The following PTPRQ variants were observed in gnomAD, a reference collection of about 807,000 sequenced individuals.
The protein encoded by PTPRQ is protein tyrosine phosphatase receptor type Q, also known as phosphatidylinositol phosphatase PTPRQ.
PTPRQ carries 199 observed loss-of-function variants against 246.0 expected under a neutral mutation model. The observed-to-expected ratio is 0.81, with a 90% CI of 0.72 to 0.91. The LOEUF is 0.91. Ranked by LOEUF, PTPRQ falls within the 40% of genes least tolerant of loss-of-function variation. PTPRQ has a pLI of 0.00. For missense variants in PTPRQ, 2,624 were observed against 2,528.4 expected, an observed-to-expected ratio of 1.04 and a Z score of -0.81; for synonymous variants, 869 against 853.2, an observed-to-expected ratio of 1.02 and a Z score of -0.32.
intron 14 of PTPRQ, among the ~76,000 whole-genome samples, chr12:80,500,012 A>G (rs1894748591): frequency 6.6e-6 from 1 of 152,050 alleles, no homozygotes; most frequent in Non-Finnish European, 1.5e-5. Flanking sequence ...GATTTGGGGC[A>G]ACAACCATGA....
intron 26 of PTPRQ, among the ~76,000 whole-genome samples, chr12:80,594,229 A>C (rs941298555): frequency 2.6e-5 from 4 of 152,210 alleles, no homozygotes; most frequent in Non-Finnish European, 1.5e-5. Flanking sequence ...TAAGTGTTAT[A>C]GTAACAGAGG....
intron 27 of PTPRQ, among the ~76,000 whole-genome samples, chr12:80,607,367 A>G (rs1898362349): frequency 6.6e-6 from 1 of 150,934 alleles, no homozygotes; most frequent in Admixed American, 6.6e-5. Context: ...AATAGCAAGA[A>G]CAGATTCAGA....
Position 80,620,333 on chromosome 12 carries a change from G to A in PTPRQ, c.5569G>A (p.Asp1857Asn). ...DNACMIPGNE[D>N]KICNGPLKPK... ...TGCATGCATGATTCCTGGCAATGAA[G>A]ACAAAATTTGCAATGGACCACTGAA... The change falls in exon 32 of 45, where the codon GAC (aspartate) becomes AAC (asparagine). Residue 1857 changes from aspartate to asparagine, a missense_variant. Physicochemically the swap from Asp to Asn is conservative, Grantham distance 23 (BLOSUM62 1). Transcript: ENST00000644991. 6.5e-7 allele frequency: 1 copy of A among 1,549,218 alleles called. No homozygotes were observed. The highest frequency in any genetic ancestry group is 1.2e-5 in the South Asian group (1 of 83,970).
chr12:80,493,894 A>G (rs1416086783), intron 10 of PTPRQ, among the ~76,000 whole-genome samples: 3 of 151,966 alleles, frequency 2.0e-5, no homozygotes, highest in Non-Finnish European at 4.4e-5. Flanking sequence ...GGTGACCCCA[A>G]CGATGTGGTG....
At chr12:80,653,913 T>A (rs757104111) in intron 38 of PTPRQ, among the ~76,000 whole-genome samples, 1 of 152,126 alleles carries the variant, frequency 6.6e-6, no homozygotes, top group Non-Finnish European at 1.5e-5. Flanking sequence ...ACCACCTAAA[T>A]CCTTTCTGCA....
chr12:80,636,151 T>C (rs1377990552), intron 35 of PTPRQ, among the ~76,000 whole-genome samples: 1 of 152,224 alleles, frequency 6.6e-6, no homozygotes, highest in Non-Finnish European at 1.5e-5. Flanking sequence ...TTTTCTTGGA[T>C]ATGACAGCTG....
In PTPRQ at chr12:80,466,461, C is replaced by T. The variant is rs1016109194; in HGVS notation, c.911-2249C>T. Among the ~76,000 whole-genome samples the T allele has an allele frequency of 2.2e-4, 33 of 152,318 alleles. 2 individuals are homozygous for T. The highest frequency in any genetic ancestry group is 1.3e-4 in the Non-Finnish European group (9 of 68,030). ...GTAATTTATAGATTCTATGCCATCC[C>T]CATCAAGCTACCAATGACTTTCTTC... On this transcript the variant is annotated intron_variant, in intron 6 of 44. Transcript: ENST00000644991.
chr12:80,445,574 A>G lies in PTPRQ; in HGVS notation c.247A>G (p.Asn83Asp), dbSNP rs1892527772. Residue 83 changes from asparagine (N) to aspartate (D), a missense_variant, in exon 3 of 45, where the codon AAT becomes GAT. Transcript: ENST00000644991. ...GTCTTGGAATACACCACCTAATCCAAATGGAAGGATTATATCTTACATTGT... is the reference window on the plus strand; with the variant it reads ...GTCTTGGAATACACCACCTAATCCAGATGGAAGGATTATATCTTACATTGT... ...LLSWNTPPNP[N>D]GRIISYIVKY... The G allele has an allele frequency of 1.9e-6, 3 of 1,549,384 alleles. No homozygotes were observed. Among genetic ancestry groups the G allele is most frequent in the Non-Finnish European group, 2.6e-6 (3 of 1,145,464 alleles).
At chr12:80,496,836 T>A (rs1313660763) in intron 14 of PTPRQ, among the ~76,000 whole-genome samples, 1 of 152,072 alleles carries the variant, frequency 6.6e-6, no homozygotes, top group Non-Finnish European at 1.5e-5. Context: ...GGCTACTTGC[T>A]TTCGAGTTAG....
Position 80,673,197 on chromosome 12 carries a change from A to G in PTPRQ, c.6631A>G (p.Ile2211Val), listed in dbSNP as rs74971960. 2,201 of 1,550,918 alleles carry G rather than the reference A, an allele frequency of 1.4e-3. 39 individuals carry two copies. In the East Asian group the frequency reaches 0.044, roughly 31 times the overall value. ...TGGAGTTGGAAGAACTGGAGTTTTT[A>G]TTGCTCTGGACCATTTAACACAACA... ...SAGVGRTGVF[I>V]ALDHLTQHIN... Residue 2211 changes from isoleucine to valine, a missense_variant, in exon 43 of 45, where the codon ATT (isoleucine) becomes GTT (valine). Coordinates refer to ENST00000644991, the MANE Select transcript of PTPRQ (RefSeq NM_001145026.2).
At position 80,493,360 on chromosome 12, in the gene PTPRQ, C is replaced by T. The variant is rs1237310853; in HGVS notation, c.1445C>T (p.Ser482Phe). The change falls in exon 10 of 45, where the codon TCT (serine) becomes TTT (phenylalanine). Residue 482 changes from serine (S) to phenylalanine (F), a missense_variant. Coordinates refer to ENST00000644991, the MANE Select transcript of PTPRQ (RefSeq NM_001145026.2). ...TATGAGGGTTCAGCAGAGATGTCGT[C>T]TGACCTTCACTCACTTGCTACATTT... ...GLYEGSAEMS[S>F]DLHSLATFIY... 3.2e-6 allele frequency: 5 copies of T among 1,550,154 alleles called. No homozygotes were observed. Among genetic ancestry groups the T allele is most frequent in the Middle Eastern group, 1.7e-4 (1 of 5,976 alleles).
chr12:80,640,631 T>C (rs1396195719), intron 35 of PTPRQ, among the ~76,000 whole-genome samples: 1 of 152,182 alleles, frequency 6.6e-6, no homozygotes, highest in African/African-American at 2.4e-5. Flanking sequence ...TAAGTTACTG[T>C]GGTAATGCAG....
rs558168140 is a variant in PTPRQ, at chr12:80,654,627, C to G, written c.6115+1793C>G. 4.7e-4 allele frequency among the ~76,000 whole-genome samples: 70 copies of G among 150,238 alleles called. 1 individual carries two copies. The South Asian group carries it at 0.01, about 22-fold the overall frequency. On this transcript the variant is annotated intron_variant, in intron 38 of 44. Coordinates refer to ENST00000644991, the MANE Select transcript of PTPRQ (RefSeq NM_001145026.2). ...CGTTGGGAGGCTGAGGCGGGCAGATCACTTGAGGTCAGAAGTTCAAGACTA... is the reference window on the plus strand; with the variant it reads ...CGTTGGGAGGCTGAGGCGGGCAGATGACTTGAGGTCAGAAGTTCAAGACTA...
chr12:80,589,138 C>T (rs1367038221), intron 26 of PTPRQ, among the ~76,000 whole-genome samples: 2 of 152,296 alleles, frequency 1.3e-5, no homozygotes, highest in African/African-American at 4.8e-5. Context: ...TTATAGCTAA[C>T]TGGTTGCCCT....
At chr12:80,496,994 G>T (rs1894648632) in intron 14 of PTPRQ, among the ~76,000 whole-genome samples, 1 of 151,874 alleles carries the variant, frequency 6.6e-6, no homozygotes, top group Non-Finnish European at 1.5e-5. Context: ...TTAATGAGGA[G>T]GTTGGAATGG....
At chr12:80,474,499 AG>A (rs1380858420) in intron 8 of PTPRQ, among the ~76,000 whole-genome samples, 2 of 152,216 alleles carry the variant, frequency 1.3e-5, no homozygotes, top group Admixed American at 1.3e-4. Flanking sequence ...TACGGTCCAT[AG>A]TCTACTTTGA....
At chr12:80,512,390 AC>A (rs968910272) in intron 17 of PTPRQ, among the ~76,000 whole-genome samples, 2 of 152,060 alleles carry the variant, frequency 1.3e-5, no homozygotes, top group Admixed American at 1.3e-4. Context: ...GATGCTGTTC[AC>A]CCAGTTTTTC....
intron 17 of PTPRQ, among the ~76,000 whole-genome samples, chr12:80,530,664 C>G (rs752632922): frequency 2.0e-5 from 3 of 152,134 alleles, no homozygotes; most frequent in Non-Finnish European, 4.4e-5. Context: ...TTCTGTCTCA[C>G]TCACAGCCAG....
intron 26 of PTPRQ, among the ~76,000 whole-genome samples, chr12:80,596,291 A>G (rs1425004099): frequency 6.6e-6 from 1 of 152,018 alleles, no homozygotes; most frequent in Non-Finnish European, 1.5e-5. Context: ...ACCTTATGCT[A>G]GATTATGATG....
Sources: gnomAD v4.1 joint callset for allele counts (sites outside exome capture counted in the v4.1 genomes callset) on GRCh38, gnomAD v4.1.1 for gene constraint, MANE v1.5 for transcripts, NCBI Gene and HGNC (gene_info 2026-07-23, HGNC 2026-07-21) for gene names.